GRIN3A: variants seen among roughly 807,000 people sequenced by gnomAD.
The protein encoded by GRIN3A is glutamate receptor ionotropic, NMDA 3A.
GRIN3A carries 47 observed loss-of-function variants against 92.4 expected under a neutral mutation model. The ratio of observed to expected loss-of-function variants is 0.51; its 90% CI spans 0.40 to 0.65. The LOEUF is 0.65. Among genes scored for constraint, GRIN3A ranks in the 30% least tolerant of loss-of-function variants. The pLI is 0.00. For missense variants in GRIN3A, 1,324 were observed against 1,393.1 expected (o/e 0.95, Z 0.79); for synonymous variants, 527 against 540.6 (o/e 0.97, Z 0.35).
intron 5 of GRIN3A, among the ~76,000 whole-genome samples, chr9:101,622,880 T>G (rs537431551): frequency 7.9e-5 from 12 of 152,130 alleles, no homozygotes; most frequent in Middle Eastern, 3.4e-3. Context: ...AGTATTTGGC[T>G]GTTAGAAAAT....
chr9:101,576,091 C>A (rs1827822542), intron 8 of GRIN3A, among the ~76,000 whole-genome samples: 2 of 152,088 alleles, frequency 1.3e-5, no homozygotes, highest in South Asian at 4.1e-4. Flanking sequence ...GAAAAAATAA[C>A]CCAAGGCTGG....
At chr9:101,640,844 G>C (rs1055984933) in intron 3 of GRIN3A, among the ~76,000 whole-genome samples, 2 of 152,130 alleles carry the variant, frequency 1.3e-5, no homozygotes, top group African/African-American at 4.8e-5. Flanking sequence ...TCCACCATGA[G>C]TGTGAGGCCT....
In GRIN3A at chr9:101,571,278, A is replaced by G. The variant is rs936553664; in HGVS notation, c.*1896T>C. 1 of 151,860 alleles carries G rather than the reference A, an allele frequency of 6.6e-6. No individual in the cohort carries two copies. Among genetic ancestry groups the G allele is most frequent in the African/African-American group, 2.4e-5 (1 of 41,328 alleles). The allele number at this position is 151,860 out of a possible 1,614,324, so 9.4% of individuals were successfully genotyped here. ...TATCAGTATCTCTGAGCCTCCCTCC[A>G]CTCCAGGGTTTTCTCAGCCAATTAA... On this transcript the variant is annotated 3_prime_UTR_variant, in exon 9 of 9. Coordinates refer to ENST00000361820, the MANE Select transcript of GRIN3A (RefSeq NM_133445.3).
At chr9:101,714,150 A>G (rs546562057) in intron 1 of GRIN3A, among the ~76,000 whole-genome samples, 1 of 152,304 alleles carries the variant, frequency 6.6e-6, no homozygotes, top group Admixed American at 6.5e-5. Context: ...CATTATGAAA[A>G]CGATTTACTT....
chr9:101,655,928 G>A (rs1386474393), intron 3 of GRIN3A, among the ~76,000 whole-genome samples: 2 of 151,932 alleles, frequency 1.3e-5, no homozygotes, highest in Non-Finnish European at 2.9e-5. Context: ...GCATTCAATT[G>A]CAGATGAGAG....
chr9:101,607,640 G>T (rs550989554), intron 6 of GRIN3A, among the ~76,000 whole-genome samples: 1 of 152,176 alleles, frequency 6.6e-6, no homozygotes, highest in African/African-American at 2.4e-5. Flanking sequence ...AGAAGCTAAA[G>T]CTGAGCTGGA....
intron 6 of GRIN3A, among the ~76,000 whole-genome samples, chr9:101,588,057 C>T (rs770645769): frequency 6.6e-5 from 10 of 152,118 alleles, no homozygotes; most frequent in Non-Finnish European, 1.5e-4. Context: ...GAATGATATC[C>T]ACATGAAATG....
In GRIN3A at chr9:101,620,480, T is replaced by C. The variant is rs12352111; in HGVS notation, c.2614+2838A>G. Among the ~76,000 whole-genome samples the C allele has an allele frequency of 8.9e-3, 1,348 of 152,186 alleles. 24 individuals carry two copies. The highest frequency in any genetic ancestry group is 0.031 in the African/African-American group (1,294 of 41,506). ...TGAGTGTCACACATAGAGTACTGAG[T>C]GTGTTACTACTATATGCAGTGACAG... On this transcript the variant is annotated intron_variant, in intron 5 of 8. Transcript: ENST00000361820.
chr9:101,685,585 C>T (rs866773435), intron 2 of GRIN3A, among the ~76,000 whole-genome samples: 3 of 151,830 alleles, frequency 2.0e-5, no homozygotes, highest in African/African-American at 7.3e-5. Flanking sequence ...CCCCCTTTCC[C>T]GGGAATCACC....
chr9:101,644,811 C>T (rs968449442), intron 3 of GRIN3A, among the ~76,000 whole-genome samples: 7 of 151,796 alleles, frequency 4.6e-5, no homozygotes, highest in East Asian at 3.9e-4. Flanking sequence ...ATCTCACTTT[C>T]TCTATACCCC....
At position 101,573,351 on chromosome 9, in the gene GRIN3A, G is replaced by A. The variant is rs374263123; in HGVS notation, c.3171C>T (p.Ala1057=). The change falls in exon 9 of 9, where the codon GCC becomes GCT. Residue 1057 remains alanine (A), a synonymous_variant. Coordinates refer to ENST00000361820, the MANE Select transcript of GRIN3A (RefSeq NM_133445.3). The part of the protein sequence containing the change: ...PLPPRRRELP[A]LRTTNGKADS... ...CTGCTTTCCCATTGGTGGTCCGCAAGGCAGGGAGCTCTCTTCTCCTTGGAG... is the reference window on the plus strand; with the variant it reads ...CTGCTTTCCCATTGGTGGTCCGCAAAGCAGGGAGCTCTCTTCTCCTTGGAG... The A allele has an allele frequency of 1.2e-6, 2 of 1,614,086 alleles. No individual in the cohort carries two copies. The highest frequency in any genetic ancestry group is 1.7e-6 in the Non-Finnish European group (2 of 1,179,990).
At chr9:101,604,324 T>G (rs1390441526) in intron 6 of GRIN3A, among the ~76,000 whole-genome samples, 1 of 152,202 alleles carries the variant, frequency 6.6e-6, no homozygotes, top group Non-Finnish European at 1.5e-5. Context: ...GCAAGACAGA[T>G]GAAGATGAGG....
intron 6 of GRIN3A, among the ~76,000 whole-genome samples, chr9:101,595,985 T>C (rs1828123328): frequency 6.6e-6 from 1 of 152,236 alleles, no homozygotes; most frequent in African/African-American, 2.4e-5. Context: ...TCCCTCTTAT[T>C]CCTTCTTCCT....
chr9:101,738,012 T>C lies in GRIN3A; in HGVS notation c.-33A>G. The C allele has an allele frequency of 6.7e-7, 1 of 1,503,748 alleles. No homozygotes were observed. Among genetic ancestry groups the C allele is most frequent in the Non-Finnish European group, 8.9e-7 (1 of 1,119,884 alleles). The allele number at this position is 1,503,748 out of a possible 1,614,324, so 93.2% of individuals were successfully genotyped here. ...ACCCGCAGGGAGAAAGCGCGCCCCC[T>C]CCTGCGCCCGGCTCGCCCCTCTGCA... On this transcript the variant is annotated 5_prime_UTR_variant, in exon 1 of 9. Coordinates refer to ENST00000361820, the MANE Select transcript of GRIN3A (RefSeq NM_133445.3).
chr9:101,618,371 CA>C (rs1828497826), intron 5 of GRIN3A, among the ~76,000 whole-genome samples: 1 of 152,052 alleles, frequency 6.6e-6, no homozygotes, highest in South Asian at 2.1e-4. Flanking sequence ...ACAACCCCAT[CA>C]AAAAGTGGGC....
chr9:101,630,275 G>T (rs943507289), intron 3 of GRIN3A, among the ~76,000 whole-genome samples: 1 of 151,968 alleles, frequency 6.6e-6, no homozygotes, highest in Non-Finnish European at 1.5e-5. Context: ...AATTTTCTAT[G>T]TGAAGCCTTT....
chr9:101,603,854 G>GTT (rs1288072092), intron 6 of GRIN3A, among the ~76,000 whole-genome samples: 2 of 152,208 alleles, frequency 1.3e-5, no homozygotes. Context: ...TTTTACTCTG[G>GTT]TTTTGCCTGG....
intron 3 of GRIN3A, among the ~76,000 whole-genome samples, chr9:101,631,445 A>C (rs902144848): frequency 6.6e-6 from 1 of 152,194 alleles, no homozygotes; most frequent in Non-Finnish European, 1.5e-5. Context: ...CCAGAAATAC[A>C]TTCTTTACAT....
Position 101,579,192 on chromosome 9 carries a change from T to C in GRIN3A, c.2931+4A>G, listed in dbSNP as rs1404889861. The C allele has an allele frequency of 1.9e-6, 3 of 1,613,706 alleles. No individual in the cohort carries two copies. The highest frequency in any genetic ancestry group is 2.5e-6 in the Non-Finnish European group (3 of 1,179,760). On this transcript the variant is annotated splice_donor_region_variant and intron_variant, in intron 7 of 8. Transcript: ENST00000361820. The stretch of plus-strand genomic sequence containing the variant: ...TATTGGAGCAAGACACCTGTGGCAC[T>C]CACCTGGCTGGTGTGGAGCCAGTAT...
Sources: gnomAD v4.1 joint callset for allele counts (sites outside exome capture counted in the v4.1 genomes callset) on GRCh38, gnomAD v4.1.1 for gene constraint, MANE v1.5 for transcripts, NCBI Gene and HGNC (gene_info 2026-07-23, HGNC 2026-07-21) for gene names.